Variants in ZBTB20 observed in about 807,000 individuals in gnomAD.
ZBTB20 encodes the protein zinc finger and BTB domain-containing protein 20.
In ZBTB20, 9 loss-of-function variants were observed where a neutral mutation model predicts 56.9. That is an observed-to-expected ratio of 0.16 (90% confidence interval 0.10 to 0.28). The LOEUF (loss-of-function observed/expected upper bound fraction) is 0.28. Among genes scored for constraint, ZBTB20 ranks in the 10% least tolerant of loss-of-function variants. The probability of loss-of-function intolerance (pLI) is 1.00; values close to 1 mark genes in which losing one functional copy is unlikely to be tolerated. For synonymous variants in ZBTB20, 417 were observed against 420.7 expected, an observed-to-expected ratio of 0.99 and a Z score of 0.11; for missense variants, 655 against 1,003.0, an observed-to-expected ratio of 0.65 and a Z score of 4.69.
intron 5 of ZBTB20, among the ~76,000 whole-genome samples, chr3:114,740,234 T>C (rs553381197): frequency 1.3e-5 from 2 of 152,368 alleles, no homozygotes; most frequent in Admixed American, 6.5e-5. Context: ...TTTGGTTAAC[T>C]GTATTTCACT....
intron 1 of ZBTB20, among the ~76,000 whole-genome samples, chr3:115,124,663 A>G (rs6782656): frequency 0.36 from 55,151 of 152,036 alleles, 11,528 homozygotes; most frequent in Non-Finnish European, 0.49. Flanking sequence ...AGAAACAGAA[A>G]ACAGAGCCTA....
At position 114,850,858 on chromosome 3, in the gene ZBTB20, T is replaced by G. The variant is rs1224486805; in HGVS notation, c.-417+49446A>C. ...TGGGAAGACTGTGTAGCCTCAAAATTTTGTGGATAGGCACACTTTTCTGGG... is the reference window on the plus strand; with the variant it reads ...TGGGAAGACTGTGTAGCCTCAAAATGTTGTGGATAGGCACACTTTTCTGGG... On this transcript the variant is annotated intron_variant, in intron 4 of 11. Transcript: ENST00000675478. Among the ~76,000 whole-genome samples the G allele has an allele frequency of 2.0e-5, 3 of 152,138 alleles. No individual in the cohort carries two copies. The East Asian group carries it at 5.8e-4, about 29-fold the overall frequency.
intron 4 of ZBTB20, among the ~76,000 whole-genome samples, chr3:114,864,292 A>G (rs2075666634): frequency 6.6e-6 from 1 of 152,054 alleles, no homozygotes; most frequent in Non-Finnish European, 1.5e-5. Flanking sequence ...TCAATCCAAT[A>G]AAATTAAATG....
intron 2 of ZBTB20, among the ~76,000 whole-genome samples, chr3:115,008,216 T>C (rs181676385): frequency 9.9e-5 from 15 of 152,028 alleles, no homozygotes; most frequent in Admixed American, 9.8e-4. Context: ...TTATGACATA[T>C]CAAACTGCAG....
chr3:114,919,330 A>C (rs1327690847), intron 3 of ZBTB20, among the ~76,000 whole-genome samples: 1 of 152,166 alleles, frequency 6.6e-6, no homozygotes, highest in African/African-American at 2.4e-5. Flanking sequence ...CCTCTAGTAG[A>C]CACAAAAAAT....
chr3:114,608,312 A>G (rs1245580781), intron 6 of ZBTB20, among the ~76,000 whole-genome samples: 2 of 152,216 alleles, frequency 1.3e-5, no homozygotes, highest in Admixed American at 6.5e-5. Context: ...TTTTAGAACA[A>G]TATTTCCCAA....
At chr3:115,074,972 G>A (rs1194318912) in intron 1 of ZBTB20, among the ~76,000 whole-genome samples, 1 of 152,010 alleles carries the variant, frequency 6.6e-6, no homozygotes, top group African/African-American at 2.4e-5. Context: ...ACTGTTCCCA[G>A]TCACAGTAAA....
chr3:114,765,848 T>A (rs971140898), intron 5 of ZBTB20, among the ~76,000 whole-genome samples: 2 of 152,204 alleles, frequency 1.3e-5, no homozygotes, highest in Admixed American at 6.5e-5. Context: ...CATATGGTTT[T>A]CAATTTTTCC....
chr3:114,824,285 C>A (rs1321787535), intron 4 of ZBTB20, among the ~76,000 whole-genome samples: 4 of 151,762 alleles, frequency 2.6e-5, no homozygotes, highest in Non-Finnish European at 5.9e-5. Context: ...ATATAGATCC[C>A]AAAAACCAAT....
At chr3:114,887,500 C>T (rs143996328) in intron 4 of ZBTB20, among the ~76,000 whole-genome samples, 3 of 152,026 alleles carry the variant, frequency 2.0e-5, no homozygotes, top group South Asian at 2.1e-4. Context: ...AACTGATATG[C>T]TTTTAATAGG....
chr3:114,605,189 A>AT (rs1379154561), intron 6 of ZBTB20, among the ~76,000 whole-genome samples: 5 of 152,040 alleles, frequency 3.3e-5, no homozygotes, highest in Non-Finnish European at 7.4e-5. Context: ...TAATAGTATA[A>AT]TTTTTTTGTA....
chr3:115,000,156 T>A (rs1261704860), intron 2 of ZBTB20, among the ~76,000 whole-genome samples: 1 of 151,642 alleles, frequency 6.6e-6, no homozygotes, highest in East Asian at 1.9e-4. Context: ...TATCAAATAG[T>A]TGCTCTAAAG....
At chr3:114,869,949 G>A (rs76433851) in intron 4 of ZBTB20, among the ~76,000 whole-genome samples, 3,651 of 152,254 alleles carry the variant, frequency 0.024, 53 homozygotes, top group South Asian at 0.051. Flanking sequence ...GATAAAAAGT[G>A]TGTAATTACT....
At chr3:115,109,011 G>C (rs867631969) in intron 1 of ZBTB20, among the ~76,000 whole-genome samples, 6 of 152,030 alleles carry the variant, frequency 3.9e-5, no homozygotes, top group African/African-American at 1.4e-4. Context: ...GGGTACTTTT[G>C]TGACACAATC....
At chr3:115,110,319 G>A (rs946548549) in intron 1 of ZBTB20, among the ~76,000 whole-genome samples, 35 of 152,188 alleles carry the variant, frequency 2.3e-4, no homozygotes, top group Non-Finnish European at 7.3e-5. Flanking sequence ...GCCCTCTGAG[G>A]CAACAGGCCA....
intron 1 of ZBTB20, among the ~76,000 whole-genome samples, chr3:115,146,259 G>A (rs1376208577): frequency 6.6e-6 from 1 of 151,818 alleles, no homozygotes; most frequent in Non-Finnish European, 1.5e-5. Context: ...TTTCGCTAAT[G>A]TTTAGTTTGT....
Position 114,596,297 on chromosome 3 carries a change from C to T in ZBTB20, c.-294-95906G>A, listed in dbSNP as rs149017421. Among the ~76,000 whole-genome samples, 711 of 152,224 alleles carry T rather than the reference C, an allele frequency of 4.7e-3. 4 individuals carry two copies. Among genetic ancestry groups the T allele is most frequent in the Non-Finnish European group, 8.2e-3 (558 of 68,014 alleles). ...ATCTTAAAAAGTACTGCCTATATGC[C>T]ATCACCATGTATACTATAAAACCCA... On this transcript the variant is annotated intron_variant, in intron 6 of 11. Transcript: ENST00000675478.
chr3:114,700,934 T>G (rs1295803400), intron 5 of ZBTB20, among the ~76,000 whole-genome samples: 1 of 152,022 alleles, frequency 6.6e-6, no homozygotes, highest in Non-Finnish European at 1.5e-5. Flanking sequence ...GAGTGGGAGG[T>G]GTTTCTCCCC....
chr3:115,023,103 T>G (rs1015199437), intron 2 of ZBTB20, among the ~76,000 whole-genome samples: 32 of 150,782 alleles, frequency 2.1e-4, no homozygotes, highest in African/African-American at 7.5e-4. Flanking sequence ...ACTATATAAA[T>G]AGAGAGGGAA....
Sources: allele counts gnomAD v4.1 joint callset (sites outside exome capture counted in the v4.1 genomes callset), GRCh38; gene constraint gnomAD v4.1.1; transcripts MANE v1.5; gene names NCBI Gene and HGNC (gene_info 2026-07-23, HGNC 2026-07-21).